PEMT: variants seen among roughly 807,000 people sequenced by gnomAD.
PEMT encodes the protein phosphatidylethanolamine N-methyltransferase, also known as phospholipid methyltransferase.
Under a neutral mutation model 27.4 loss-of-function variants are expected in PEMT, and 23 were observed. The observed-to-expected ratio is 0.84, with a 90% CI of 0.60 to 1.19. The LOEUF (loss-of-function observed/expected upper bound fraction) is 1.19. Ranked by LOEUF, PEMT falls within the 50% of genes most tolerant of loss-of-function variation. The pLI is 0.00. For synonymous variants in PEMT, 137 were observed against 139.1 expected, an observed-to-expected ratio of 0.98 and a Z score of 0.11; for missense variants, 307 against 310.1, an observed-to-expected ratio of 0.99 and a Z score of 0.07.
intron 2 of PEMT, among the ~76,000 whole-genome samples, chr17:17,527,999 C>G (rs768857253): frequency 3.3e-5 from 5 of 152,254 alleles, no homozygotes; most frequent in African/African-American, 4.8e-5. Flanking sequence ...GGGCTCCCAG[C>G]CTAGGCACCT....
At chr17:17,588,356 A>G (rs138564941) in intron 1 of PEMT, among the ~76,000 whole-genome samples, 83 of 152,288 alleles carry the variant, frequency 5.5e-4, no homozygotes, top group Middle Eastern at 3.4e-3. Context: ...GATACCCCGC[A>G]TCGGCCATCG....
At chr17:17,540,190 G>A (rs1908783196) in intron 2 of PEMT, among the ~76,000 whole-genome samples, 1 of 152,218 alleles carries the variant, frequency 6.6e-6, no homozygotes, top group Non-Finnish European at 1.5e-5. Context: ...GAGGGCTCAT[G>A]GAGGAAGGAA....
intron 3 of PEMT, among the ~76,000 whole-genome samples, chr17:17,517,451 G>A (rs1222175049): frequency 6.6e-6 from 1 of 152,052 alleles, no homozygotes; most frequent in Non-Finnish European, 1.5e-5. Context: ...TGTCCCATCA[G>A]CTCCATGCCC....
chr17:17,509,373 G>A lies in PEMT; in HGVS notation c.578+61C>T, dbSNP rs531944363. 8.7e-6 allele frequency: 10 copies of A among 1,146,700 alleles called. No individual in the cohort carries two copies. In the East Asian group the frequency reaches 1.9e-4, roughly 22 times the overall value. 71.0% of individuals were successfully genotyped at this position (1,146,700 alleles called of 1,614,324 possible). On this transcript the variant is annotated intron_variant, in intron 5 of 6. Transcript: ENST00000255389. ...GGCCCTGGCCCCCGCGTCCTGAGCTGCACCAGCTCCTCTCCGGGAGGTGGC... is the reference window on the plus strand; with the variant it reads ...GGCCCTGGCCCCCGCGTCCTGAGCTACACCAGCTCCTCTCCGGGAGGTGGC...
intron 3 of PEMT, among the ~76,000 whole-genome samples, chr17:17,517,432 G>A (rs888939877): frequency 1.3e-5 from 2 of 152,188 alleles, no homozygotes; most frequent in Non-Finnish European, 2.9e-5. Context: ...TGCTCCATCG[G>A]AAGCAAACTG....
intron 5 of PEMT, chr17:17,507,120 C>G (rs1249690866): frequency 6.5e-7 from 1 of 1,545,772 alleles, no homozygotes; most frequent in Admixed American, 2.0e-5. Flanking sequence ...CTTTGGGTTT[C>G]CAGAAATAGC....
chr17:17,590,615 T>G (rs977583770), intron 1 of PEMT, among the ~76,000 whole-genome samples: 3 of 152,232 alleles, frequency 2.0e-5, no homozygotes, highest in Non-Finnish European at 2.9e-5. Flanking sequence ...CAGCCGGCCC[T>G]GAATCAATAC....
At position 17,565,755 on chromosome 17, in the gene PEMT, C is replaced by T. The variant is rs777761670; in HGVS notation, c.204+11165G>A. On this transcript the variant is annotated intron_variant, in intron 2 of 6. Transcript: ENST00000255389. ...TCCGCACTTCTGGAGAGAAAGGGGC[C>T]GCCAGCTACAGAAGTACTCTCCAAG... Among the ~76,000 whole-genome samples, 16 of 152,376 alleles carry T rather than the reference C, an allele frequency of 1.1e-4. No homozygotes were observed. In the East Asian group the frequency reaches 2.3e-3, roughly 22 times the overall value.
intron 2 of PEMT, among the ~76,000 whole-genome samples, chr17:17,560,238 C>T (rs1192999260): frequency 2.6e-5 from 4 of 152,174 alleles, no homozygotes; most frequent in Non-Finnish European, 5.9e-5. Flanking sequence ...GCCTCGGGGA[C>T]ACCAGAGGCA....
chr17:17,539,341 C>A (rs965232107), intron 2 of PEMT, among the ~76,000 whole-genome samples: 1 of 152,170 alleles, frequency 6.6e-6, no homozygotes, highest in Non-Finnish European at 1.5e-5. Context: ...CACTTCCAGC[C>A]AGCTCCAGGC....
chr17:17,508,673 G>A, intron 5 of PEMT: 1 of 398,680 alleles, frequency 2.5e-6, no homozygotes, highest in South Asian at 1.8e-5. Context: ...ATGAAGCCGA[G>A]GGCAGCGCCC....
chr17:17,582,473 T>C lies in PEMT; in HGVS notation c.97-5446A>G, dbSNP rs952365277. The C allele has an allele frequency of 1.4e-5, 14 of 977,376 alleles. No homozygotes were observed. Among genetic ancestry groups the C allele is most frequent in the African/African-American group, 3.5e-5 (2 of 57,060 alleles). 60.5% of individuals were successfully genotyped at this position (977,376 alleles called of 1,614,324 possible). A position where few individuals can be genotyped will look rare whatever the true frequency, so the allele number is the denominator to read the frequency against. ...GGTCAACATGTCACATTGTGACACATGGACAAACAGCAGGCCTGGACAGGC... is the reference window on the plus strand; with the variant it reads ...GGTCAACATGTCACATTGTGACACACGGACAAACAGCAGGCCTGGACAGGC... On this transcript the variant is annotated intron_variant, in intron 1 of 6. Coordinates refer to ENST00000255389, the MANE Select transcript of PEMT (RefSeq NM_148172.3). The surrounding 1 kb of genome is among the most constrained non-coding windows in gnomAD (Gnocchi z 4.9).
At chr17:17,510,216 G>A (rs369467551) in intron 4 of PEMT, among the ~76,000 whole-genome samples, 8 of 152,318 alleles carry the variant, frequency 5.3e-5, no homozygotes, top group Non-Finnish European at 1.2e-4. Context: ...CCATGCACCC[G>A]TCAGCCGCAC....
chr17:17,589,519 T>C (rs572696119), intron 1 of PEMT, among the ~76,000 whole-genome samples: 1 of 152,270 alleles, frequency 6.6e-6, no homozygotes, highest in South Asian at 2.1e-4. Flanking sequence ...TTCCATTTCT[T>C]CTCACTAATT....
intron 3 of PEMT, among the ~76,000 whole-genome samples, chr17:17,518,816 G>A (rs1450349376): frequency 6.6e-6 from 1 of 152,196 alleles, no homozygotes; most frequent in Non-Finnish European, 1.5e-5. Flanking sequence ...GCACACTCAT[G>A]GGGACAGAAA....
intron 1 of PEMT, among the ~76,000 whole-genome samples, chr17:17,583,640 G>C (rs777205706): frequency 6.6e-6 from 1 of 152,196 alleles, no homozygotes; most frequent in Non-Finnish European, 1.5e-5. Context: ...GGCCACCTGA[G>C]GTTACCTTCT....
chr17:17,533,303 C>T (rs1908235071), intron 2 of PEMT, among the ~76,000 whole-genome samples: 1 of 152,212 alleles, frequency 6.6e-6, no homozygotes, highest in African/African-American at 2.4e-5. Context: ...AAGGTGGACT[C>T]TCAGCCTCAC....
rs1344852188 is a variant in PEMT at position 17,561,278 on chromosome 17, CT to C, written c.204+15641del. Among the ~76,000 whole-genome samples the C allele has an allele frequency of 2.6e-5, 4 of 152,180 alleles. No homozygotes were observed. The highest frequency in any genetic ancestry group is 6.5e-5 in the Admixed American group (1 of 15,288). ...CCTCACACGACCCAGGAGGTGGAAC[CT>C]ACAGGTAACCCTCTTTCACAGTTAA... On this transcript the variant is annotated intron_variant, in intron 2 of 6. Transcript: ENST00000255389. This position sits in a 1 kb window ranked among gnomAD's most constrained non-coding sequence, Gnocchi z 4.5.
chr17:17,562,666 G>A (rs1417414637), intron 2 of PEMT, among the ~76,000 whole-genome samples: 2 of 152,174 alleles, frequency 1.3e-5, no homozygotes, highest in Non-Finnish European at 2.9e-5. Context: ...AAAATTAGCC[G>A]GGCATGGTGG....
Sources: allele counts gnomAD v4.1 joint callset (sites outside exome capture counted in the v4.1 genomes callset), GRCh38; gene constraint gnomAD v4.1.1; non-coding constraint Gnocchi (gnomAD v3.1); transcripts MANE v1.5; gene names NCBI Gene and HGNC (gene_info 2026-07-23, HGNC 2026-07-21).